Variants in DISP1 observed in about 807,000 individuals in gnomAD.
DISP1 encodes dispatched RND transporter family member 1.
In DISP1, 30 loss-of-function variants were observed where a neutral mutation model predicts 37.3. The observed-to-expected ratio is 0.80, with a 90% confidence interval of 0.60 to 1.09. The LOEUF (loss-of-function observed/expected upper bound fraction) is 1.09, where lower values mean the gene tolerates loss of function less well. Ranked by LOEUF, DISP1 falls within the 50% of genes least tolerant of loss-of-function variation. The pLI, the probability that DISP1 is intolerant of heterozygous loss-of-function variation, is 0.00. For synonymous variants in DISP1, 634 were observed against 690.2 expected (o/e 0.92, Z 1.28); for missense variants, 1,598 against 1,879.5 (o/e 0.85, Z 2.77).
intron 1 of DISP1, among the ~76,000 whole-genome samples, chr1:222,902,923 C>A (rs1671678561): frequency 1.3e-5 from 2 of 151,586 alleles, no homozygotes; most frequent in Non-Finnish European, 2.9e-5. Flanking sequence ...ACTAGAAATA[C>A]CATTTGACCC....
rs754384908 is a variant in DISP1 at position 223,004,060 on chromosome 1, T to G, written c.2663T>G (p.Leu888Arg). The G allele has an allele frequency of 7.0e-5, 113 of 1,614,072 alleles. No individual in the cohort carries two copies. The highest frequency in any genetic ancestry group is 8.9e-5 in the Non-Finnish European group (105 of 1,180,036). ...SFPYKQEIFELCIKRAIMELE... is the reference protein window; with the variant it reads ...SFPYKQEIFERCIKRAIMELE... Reference sequence around the variant, plus strand: ...CCCTACAAGCAAGAGATTTTTGAACTGTGCATCAAGAGAGCTATCATGGAG... The same window carrying G: ...CCCTACAAGCAAGAGATTTTTGAACGGTGCATCAAGAGAGCTATCATGGAG... The change falls in exon 9 of 9, where the codon CTG (leucine) becomes CGG (arginine). Residue 888 changes from leucine (L) to arginine (R), a missense_variant. Physicochemically the swap from Leu to Arg is moderately radical, Grantham distance 102. Transcript: ENST00000675850. This position sits in a 1 kb window ranked among gnomAD's most constrained non-coding sequence, Gnocchi z 4.9.
chr1:222,926,053 T>C (rs1419228033), intron 1 of DISP1, among the ~76,000 whole-genome samples: 1 of 152,106 alleles, frequency 6.6e-6, no homozygotes, highest in Non-Finnish European at 1.5e-5. Context: ...AAAAATAAAC[T>C]CCATACCTAT....
intron 4 of DISP1, among the ~76,000 whole-genome samples, chr1:222,984,421 A>AATATATAT (rs1553254647): frequency 1.9e-5 from 2 of 105,798 alleles, no homozygotes; most frequent in African/African-American, 7.8e-5. Flanking sequence ...AAAAAAAAAA[A>AATATATAT]ATATATATAT....
At chr1:222,949,672 G>T (rs1278946831) in intron 3 of DISP1, among the ~76,000 whole-genome samples, 12 of 151,906 alleles carry the variant, frequency 7.9e-5, no homozygotes, top group Non-Finnish European at 1.5e-5. Flanking sequence ...CATCGCCCAG[G>T]CTGGAGTGCA....
intron 4 of DISP1, 138 bp from the exon 5 acceptor site, chr1:222,990,487 T>A: frequency 2.5e-6 from 3 of 1,184,620 alleles, no homozygotes; most frequent in Non-Finnish European, 3.8e-6. Flanking sequence ...AACACCTGTA[T>A]GTAGTCTACA....
intron 1 of DISP1, among the ~76,000 whole-genome samples, chr1:222,848,954 CAT>C (rs1398088526): frequency 6.6e-6 from 1 of 152,068 alleles, no homozygotes; most frequent in Non-Finnish European, 1.5e-5. Context: ...TGTACCTCAC[CAT>C]ATCTTTATAT....
At chr1:222,943,498 T>C in intron 3 of DISP1, 166 bp downstream of exon 3, 1 of 848,788 alleles carries the variant, frequency 1.2e-6, no homozygotes. Context: ...GCAAATAAAA[T>C]AATACTGTAT....
chr1:222,939,220 A>G (rs2125483323), intron 2 of DISP1, among the ~76,000 whole-genome samples: 1 of 152,290 alleles, frequency 6.6e-6, no homozygotes, highest in South Asian at 2.1e-4. Context: ...TGTGGAAAAA[A>G]CATGTTATAA....
intron 2 of DISP1, among the ~76,000 whole-genome samples, chr1:222,930,663 A>T (rs1673335034): frequency 6.6e-6 from 1 of 152,144 alleles, no homozygotes; most frequent in South Asian, 2.1e-4. Flanking sequence ...GCAAACAAGA[A>T]TCCCACACAA....
At chr1:222,848,417 A>G (rs1045304308) in intron 1 of DISP1, among the ~76,000 whole-genome samples, 1 of 151,464 alleles carries the variant, frequency 6.6e-6, no homozygotes, top group African/African-American at 2.4e-5. Flanking sequence ...TTACAAAAAA[A>G]GTAAAAATTA....
chr1:222,894,394 C>G (rs1671120983), intron 1 of DISP1, among the ~76,000 whole-genome samples: 1 of 152,242 alleles, frequency 6.6e-6, no homozygotes, highest in Admixed American at 6.5e-5. Context: ...GGCTCCCTCC[C>G]ATACTTGTAG....
At chr1:222,991,905 T>C in intron 6 of DISP1, 108 bp from the exon 7 acceptor site, 1 of 921,498 alleles carries the variant, frequency 1.1e-6, no homozygotes. Context: ...CAACTTAATA[T>C]CAAGGACTAA....
chr1:222,888,404 G>A (rs1670757326), intron 1 of DISP1, among the ~76,000 whole-genome samples: 1 of 152,124 alleles, frequency 6.6e-6, no homozygotes. Context: ...ATTTCAAGCT[G>A]AAGAAGCCAA....
At position 223,004,132 on chromosome 1, in the gene DISP1, C is replaced by T. The variant is rs370723049; in HGVS notation, c.2735C>T (p.Pro912Leu). The T allele has an allele frequency of 5.6e-6, 9 of 1,614,066 alleles. No homozygotes were observed. The highest frequency in any genetic ancestry group is 7.6e-6 in the Non-Finnish European group (9 of 1,179,998). Residue 912 changes from proline (P) to leucine (L), a missense_variant, in exon 9 of 9, where the codon CCG (proline) becomes CTG (leucine). Transcript: ENST00000675850. This position sits in a 1 kb window ranked among gnomAD's most constrained non-coding sequence, Gnocchi z 4.9. ...GYHLDSKTPG[P>L]RFDINDTIRA... is the part of the protein sequence containing the mutation. ...CATTTGGATAGCAAAACCCCAGGGC[C>T]GAGGTTTGATATCAATGATACTATC... is the stretch of plus-strand genomic sequence containing the variant.
chr1:222,895,061 A>G (rs569892699), intron 1 of DISP1, among the ~76,000 whole-genome samples: 1 of 152,328 alleles, frequency 6.6e-6, no homozygotes, highest in African/African-American at 2.4e-5. Context: ...GAAGGATTTC[A>G]GGATGGGTAG....
At chr1:222,931,523 C>G (rs1205159372) in intron 2 of DISP1, among the ~76,000 whole-genome samples, 2 of 151,774 alleles carry the variant, frequency 1.3e-5, no homozygotes, top group Non-Finnish European at 2.9e-5. Context: ...AATCTCATGG[C>G]CTAAAGACAC....
intron 1 of DISP1, among the ~76,000 whole-genome samples, chr1:222,852,719 C>A (rs1414459944): frequency 6.6e-6 from 1 of 152,134 alleles, no homozygotes; most frequent in East Asian, 1.9e-4. Flanking sequence ...AAATAAAATA[C>A]CAATTTTTAA....
chr1:222,868,520 A>G (rs558559381), intron 1 of DISP1, among the ~76,000 whole-genome samples: 80 of 152,180 alleles, frequency 5.3e-4, no homozygotes, highest in Non-Finnish European at 1.0e-3. Flanking sequence ...GGAATTATTA[A>G]CTTTTTCTTC....
chr1:222,874,808 G>A lies in DISP1; in HGVS notation c.-158-53622G>A, dbSNP rs144568255. Among the ~76,000 whole-genome samples, 5 of 152,250 alleles carry A rather than the reference G, an allele frequency of 3.3e-5. No homozygotes were observed. The East Asian group carries it at 9.7e-4, about 29-fold the overall frequency. On this transcript the variant is annotated intron_variant, in intron 1 of 8. Coordinates refer to ENST00000675850, the MANE Select transcript of DISP1 (RefSeq NM_001377229.1). ...TTTGTTCCGTTGCTGGTGAGGAGCT[G>A]CGTTCCTTTGGAGGAGGAGAGGCGC... is the stretch of plus-strand genomic sequence containing the variant.
Sources: gnomAD v4.1 joint callset for allele counts (sites outside exome capture counted in the v4.1 genomes callset) on GRCh38, gnomAD v4.1.1 for gene constraint, Gnocchi (gnomAD v3.1) non-coding constraint, MANE v1.5 for transcripts, NCBI Gene and HGNC (gene_info 2026-07-23, HGNC 2026-07-21) for gene names.